Variants in CORIN observed in about 807,000 individuals in gnomAD.
CORIN encodes the protein corin, serine peptidase.
A neutral mutation model predicts 125.3 loss-of-function variants in CORIN; 117 were observed. The ratio of observed to expected loss-of-function variants is 0.93; its 90% CI spans 0.80 to 1.09. CORIN has a LOEUF of 1.09. Ranked by LOEUF, CORIN falls within the 50% of genes least tolerant of loss-of-function variation. The pLI, the probability that CORIN is intolerant of heterozygous loss-of-function variation, is 0.00. For synonymous variants in CORIN, 450 were observed against 466.4 expected (o/e 0.96, Z 0.45); for missense variants, 1,253 against 1,306.7 (o/e 0.96, Z 0.63).
intron 3 of CORIN, among the ~76,000 whole-genome samples, chr4:47,766,292 C>T (rs1165463058): frequency 1.3e-5 from 2 of 152,162 alleles, no homozygotes; most frequent in African/African-American, 4.8e-5. Context: ...AATTGGATCC[C>T]GTGGTGCCAG....
In CORIN at chr4:47,729,666, C is replaced by A. The variant is rs1208193434; in HGVS notation, c.799+14736G>T. ...GGGCGGTTCCCCAACAAAGGCCCCACCCTTAAGCTGGAAGACCCACAGCTC... is the reference window on the plus strand; with the variant it reads ...GGGCGGTTCCCCAACAAAGGCCCCAACCTTAAGCTGGAAGACCCACAGCTC... On this transcript the variant is annotated intron_variant, in intron 5 of 21. Coordinates refer to ENST00000273857, the MANE Select transcript of CORIN (RefSeq NM_006587.4). 1.6e-4 allele frequency among the ~76,000 whole-genome samples: 25 copies of A among 152,094 alleles called. 1 individual carries two copies. The highest frequency in any genetic ancestry group is 1.6e-3 in the Admixed American group (25 of 15,272).
chr4:47,744,716 A>G, intron 4 of CORIN, 133 bp from the exon 5 acceptor site: 1 of 770,130 alleles, frequency 1.3e-6, no homozygotes, highest in East Asian at 2.9e-5. Context: ...AGCAACTTAA[A>G]TTTTTACATT....
chr4:47,666,535 C>T (rs375853492), intron 10 of CORIN, among the ~76,000 whole-genome samples: 17 of 152,240 alleles, frequency 1.1e-4, no homozygotes, highest in African/African-American at 3.6e-4. Context: ...ATGAACTGAA[C>T]ATTTGTGTAT....
intron 9 of CORIN, among the ~76,000 whole-genome samples, chr4:47,677,586 A>G (rs1020807502): frequency 1.3e-5 from 2 of 152,334 alleles, no homozygotes; most frequent in East Asian, 1.9e-4. Context: ...AAGACATTAC[A>G]TTTCCTTTCA....
At chr4:47,810,750 T>C (rs1201683114) in intron 1 of CORIN, among the ~76,000 whole-genome samples, 1 of 152,156 alleles carries the variant, frequency 6.6e-6, no homozygotes, top group African/African-American at 2.4e-5. Context: ...CACCCACACA[T>C]TTAACTTCAA....
intron 5 of CORIN, among the ~76,000 whole-genome samples, chr4:47,708,514 C>A (rs1412890444): frequency 6.6e-6 from 1 of 152,158 alleles, no homozygotes; most frequent in Non-Finnish European, 1.5e-5. Context: ...ATTTCCATTG[C>A]CACATAACCT....
At position 47,717,493 on chromosome 4, in the gene CORIN, C is replaced by A. The variant is rs573854235; in HGVS notation, c.800-24410G>T. Among the ~76,000 whole-genome samples, 16 of 152,334 alleles carry A rather than the reference C, an allele frequency of 1.1e-4. 1 individual carries two copies. The East Asian group carries it at 2.5e-3, about 24-fold the overall frequency. ...TCACCGTCCCCAATCCTTCATCCAT[C>A]CTTTTTCTTACACTTCCAACACTGG... On this transcript the variant is annotated intron_variant, in intron 5 of 21. Coordinates refer to ENST00000273857, the MANE Select transcript of CORIN (RefSeq NM_006587.4).
intron 11 of CORIN, 88 bp from the exon 12 acceptor site, chr4:47,661,944 G>T: frequency 7.7e-7 from 1 of 1,298,260 alleles, no homozygotes; most frequent in Non-Finnish European, 1.0e-6. Context: ...TTTTAATTCT[G>T]TGTATGTGGC....
At chr4:47,686,171 C>T (rs1222016380) in intron 6 of CORIN, among the ~76,000 whole-genome samples, 1 of 151,018 alleles carries the variant, frequency 6.6e-6, no homozygotes, top group Non-Finnish European at 1.5e-5. Flanking sequence ...AAAAAGCACT[C>T]TTCTAAAAAA....
At chr4:47,653,687 G>C in intron 12 of CORIN, 27 bp from the exon 13 acceptor site, 1 of 1,582,380 alleles carries the variant, frequency 6.3e-7, no homozygotes, top group African/African-American at 1.3e-5. Flanking sequence ...TACTGTTAAA[G>C]GGCTGAAAAC....
Position 47,763,360 on chromosome 4 carries a change from A to T in CORIN, c.617+19T>A, listed in dbSNP as rs1456761641. 2 of 1,597,892 alleles carry T rather than the reference A, an allele frequency of 1.3e-6. No homozygotes were observed. Among genetic ancestry groups the T allele is most frequent in the African/African-American group, 2.7e-5 (2 of 74,596 alleles). On this transcript the variant is annotated intron_variant, in intron 4 of 21. Coordinates refer to ENST00000273857, the MANE Select transcript of CORIN (RefSeq NM_006587.4). ...CTATAACCAACTCTTATCACTGAAT[A>T]ATCTGGGTTCCGAAATACCTGTCAT...
chr4:47,622,940 G>A (rs1722380525), intron 19 of CORIN, among the ~76,000 whole-genome samples: 1 of 152,074 alleles, frequency 6.6e-6, no homozygotes. Context: ...AGCCAATCCA[G>A]TTCAATTAAG....
intron 5 of CORIN, among the ~76,000 whole-genome samples, chr4:47,720,751 C>A (rs1382429419): frequency 6.6e-6 from 1 of 152,178 alleles, no homozygotes; most frequent in Non-Finnish European, 1.5e-5. Context: ...GCATACAGAA[C>A]CACCATTTGA....
chr4:47,686,613 C>T (rs1025259549), intron 6 of CORIN, among the ~76,000 whole-genome samples: 1 of 152,116 alleles, frequency 6.6e-6, no homozygotes, highest in Admixed American at 6.5e-5. Flanking sequence ...TATACACTAC[C>T]TTGTGAAATT....
chr4:47,806,766 T>C, intron 2 of CORIN, 137 bp downstream of exon 2: 1 of 826,670 alleles, frequency 1.2e-6, no homozygotes, highest in Non-Finnish European at 1.8e-6. Flanking sequence ...AACTGCAGAT[T>C]TGCATAACGT....
At chr4:47,738,100 G>A (rs1395999650) in intron 5 of CORIN, among the ~76,000 whole-genome samples, 1 of 152,096 alleles carries the variant, frequency 6.6e-6, no homozygotes, top group Admixed American at 6.6e-5. Context: ...AAAAATGTGG[G>A]GAATTCCTGT....
chr4:47,827,946 A>G (rs1292481916), intron 1 of CORIN, among the ~76,000 whole-genome samples: 1 of 152,186 alleles, frequency 6.6e-6, no homozygotes, highest in Non-Finnish European at 1.5e-5. Flanking sequence ...GCCAGAGTAG[A>G]TACCCTCAGA....
At chr4:47,694,535 C>T (rs887608118) in intron 5 of CORIN, among the ~76,000 whole-genome samples, 13 of 151,836 alleles carry the variant, frequency 8.6e-5, no homozygotes, top group African/African-American at 3.1e-4. Flanking sequence ...GCCACCATTC[C>T]CTGCAGTATG....
intron 6 of CORIN, among the ~76,000 whole-genome samples, chr4:47,688,137 G>T (rs1326521716): frequency 6.6e-6 from 1 of 152,144 alleles, no homozygotes; most frequent in Non-Finnish European, 1.5e-5. Context: ...TCACCTGAGT[G>T]CAAGGCCTAG....
Sources: gnomAD v4.1 joint callset for allele counts (sites outside exome capture counted in the v4.1 genomes callset) on GRCh38, gnomAD v4.1.1 for gene constraint, MANE v1.5 for transcripts, NCBI Gene and HGNC (gene_info 2026-07-23, HGNC 2026-07-21) for gene names.